Variants in CHN2 observed in about 807,000 individuals in gnomAD.
CHN2 encodes beta-chimaerin.
CHN2 carries 35 observed loss-of-function variants against 56.3 expected under a neutral mutation model. The ratio of observed to expected loss-of-function variants is 0.62; its 90% CI spans 0.47 to 0.82. The LOEUF (loss-of-function observed/expected upper bound fraction) is 0.82. CHN2 is among the 40% of genes least tolerant of loss of function. CHN2 has a pLI of 0.00. For synonymous variants in CHN2, 210 were observed against 212.8 expected (o/e 0.99, Z 0.12); for missense variants, 491 against 580.5 (o/e 0.85, Z 1.58).
chr7:29,346,928 G>T (rs1275720555), intron 1 of CHN2, among the ~76,000 whole-genome samples: 6 of 152,148 alleles, frequency 3.9e-5, no homozygotes, highest in Non-Finnish European at 8.8e-5. Flanking sequence ...AGCTAAAAAT[G>T]CCTGGAAGAA....
intron 6 of CHN2, among the ~76,000 whole-genome samples, chr7:29,450,217 G>A (rs960460718): frequency 6.6e-6 from 1 of 152,188 alleles, no homozygotes; most frequent in Admixed American, 6.5e-5. Flanking sequence ...ACTAAAGGAA[G>A]GTAGCAAGAA....
chr7:29,174,193 C>T (rs1161489481), intron 2 of CHN2, among the ~76,000 whole-genome samples: 2 of 152,098 alleles, frequency 1.3e-5, no homozygotes, highest in African/African-American at 4.8e-5. Context: ...CTTGATGCTC[C>T]TCTCATGGGA....
intron 1 of CHN2, among the ~76,000 whole-genome samples, chr7:29,309,274 T>TC (rs1410011206): frequency 6.6e-6 from 1 of 152,170 alleles, no homozygotes; most frequent in Non-Finnish European, 1.5e-5. Flanking sequence ...AGAATTTGAG[T>TC]CCAGTCTTCC....
Position 29,240,530 on chromosome 7 carries a change from A to G in CHN2, c.49+45540A>G, listed in dbSNP as rs115662571. On this transcript the variant is annotated intron_variant, in intron 1 of 12. Transcript: ENST00000222792. ...CTATATATTTTTTCAACAATTATTTATTGAATACCTGCTAGGGACCAGTTA... is the reference window on the plus strand; with the variant it reads ...CTATATATTTTTTCAACAATTATTTGTTGAATACCTGCTAGGGACCAGTTA... 3.2e-3 allele frequency among the ~76,000 whole-genome samples: 483 copies of G among 152,342 alleles called. 4 individuals are homozygous for G. The highest frequency in any genetic ancestry group is 0.011 in the African/African-American group (455 of 41,570).
At chr7:29,403,164 TC>T (rs755750900) in intron 6 of CHN2, among the ~76,000 whole-genome samples, 17 of 152,158 alleles carry the variant, frequency 1.1e-4, no homozygotes, top group Admixed American at 2.0e-4. Context: ...TACGAATCCA[TC>T]CGTTTCTCTC....
chr7:29,238,961 C>G, intron 1 of CHN2, among the ~76,000 whole-genome samples: 1 of 152,180 alleles, frequency 6.6e-6, no homozygotes. Context: ...CTTAGGAGAT[C>G]GTGTAGGTCA....
chr7:29,364,090 T>C (rs1404748078), intron 2 of CHN2, among the ~76,000 whole-genome samples: 1 of 152,238 alleles, frequency 6.6e-6, no homozygotes, highest in Non-Finnish European at 1.5e-5. Context: ...AGCAAATATT[T>C]AACTTCTCTG....
At chr7:29,450,001 G>T (rs942186700) in intron 6 of CHN2, among the ~76,000 whole-genome samples, 1 of 152,200 alleles carries the variant, frequency 6.6e-6, no homozygotes, top group East Asian at 1.9e-4. Context: ...TGAGTTCCGT[G>T]AAGTGGCTTC....
At position 29,491,571 on chromosome 7, in the gene CHN2, G is replaced by T. The variant is rs572740252; in HGVS notation, c.655-4381G>T. ...CTACAGGCATGTGCTACTATGCCCA[G>T]CTAAATTTCAAACTCTTTTTAGAGA... On this transcript the variant is annotated intron_variant, in intron 7 of 12. Coordinates refer to ENST00000222792, the MANE Select transcript of CHN2 (RefSeq NM_004067.4). Among the ~76,000 whole-genome samples the T allele has an allele frequency of 6.6e-5, 10 of 152,144 alleles. No homozygotes were observed. The East Asian group carries it at 1.9e-3, about 29-fold the overall frequency.
intron 7 of CHN2, among the ~76,000 whole-genome samples, chr7:29,494,950 TAA>T (rs5883217): frequency 0.024 from 1,565 of 64,556 alleles, 21 homozygotes; most frequent in African/African-American, 0.058. Context: ...AAGCAGTTTG[TAA>T]AAAAAAAAAA....
intron 6 of CHN2, among the ~76,000 whole-genome samples, chr7:29,432,337 G>A (rs1782914197): frequency 6.6e-6 from 1 of 152,104 alleles, no homozygotes; most frequent in Non-Finnish European, 1.5e-5. Flanking sequence ...ATTCTTCAGG[G>A]GTCCAAGTTC....
chr7:29,472,310 CATT>C (rs1445679687), intron 6 of CHN2, among the ~76,000 whole-genome samples: 2 of 151,908 alleles, frequency 1.3e-5, no homozygotes, highest in South Asian at 4.2e-4. Context: ...CACACACACA[CATT>C]AGACACAGAA....
intron 1 of CHN2, among the ~76,000 whole-genome samples, chr7:29,317,506 T>G (rs888841344): frequency 6.6e-6 from 1 of 152,314 alleles, no homozygotes; most frequent in Middle Eastern, 3.4e-3. Context: ...TGCCCAGACC[T>G]ACTGAATCAG....
intron 6 of CHN2, among the ~76,000 whole-genome samples, chr7:29,473,297 C>T (rs887396019): frequency 6.6e-6 from 1 of 152,120 alleles, no homozygotes; most frequent in Non-Finnish European, 1.5e-5. Flanking sequence ...TTCATCTTTT[C>T]TGGCAATCCC....
At chr7:29,401,165 G>A (rs1403841926) in intron 6 of CHN2, 2 of 254,826 alleles carry the variant, frequency 7.8e-6, no homozygotes, top group Non-Finnish European at 1.5e-5. Context: ...TTACTTGGGA[G>A]GCTGAGGCAG....
intron 6 of CHN2, among the ~76,000 whole-genome samples, chr7:29,471,552 G>C (rs1352678616): frequency 1.4e-5 from 2 of 147,892 alleles, no homozygotes; most frequent in Non-Finnish European, 1.5e-5. Flanking sequence ...CTTTCAGGTT[G>C]GGTGAACGGT....
At chr7:29,162,245 G>A (rs933994258) in intron 2 of CHN2, among the ~76,000 whole-genome samples, 3 of 152,050 alleles carry the variant, frequency 2.0e-5, no homozygotes, top group Non-Finnish European at 2.9e-5. Context: ...GCCAAAAACC[G>A]GAAATGACCC....
rs770946319 is a variant in CHN2, at chr7:29,146,599, A to G, written c.16A>G (p.Arg6Gly). The change falls in exon 1 of 7, where the codon AGG becomes GGG. Residue 6 changes from arginine to glycine, a missense_variant. Arg to Gly is a moderately radical substitution (Grantham distance 125). Transcript: ENST00000439384. ...CTAGGCTCACATGACCCAGACCCAC[A>G]GGGCAAAAAGTGCGTCGTCGTGTCC... 6 of 1,550,382 alleles carry G rather than the reference A, an allele frequency of 3.9e-6. No homozygotes were observed. In the South Asian group the frequency reaches 6.0e-5, roughly 15 times the overall value.
At chr7:29,186,381 G>C (rs1167140484) in intron 2 of CHN2, 1 of 152,290 alleles carries the variant, frequency 6.6e-6, no homozygotes, top group Middle Eastern at 3.4e-3. Context: ...CCAGGAGTCT[G>C]AGACAAGCCT....
Sources: allele counts gnomAD v4.1 joint callset (sites outside exome capture counted in the v4.1 genomes callset), GRCh38; gene constraint gnomAD v4.1.1; transcripts MANE v1.5; gene names NCBI Gene and HGNC (gene_info 2026-07-23, HGNC 2026-07-21).